Variants in VPS53 observed in about 807,000 individuals in gnomAD.
VPS53 encodes VPS53 subunit of GARP complex, also known as vacuolar protein sorting-associated protein 53 homolog.
In VPS53, 70 loss-of-function variants were observed where a neutral mutation model predicts 107.0. The observed-to-expected ratio is 0.65, with a 90% CI of 0.54 to 0.80. VPS53 has a LOEUF of 0.80. Ranked by LOEUF, VPS53 falls within the 30% of genes least tolerant of loss-of-function variation. VPS53 has a pLI of 0.00. For synonymous variants in VPS53, 409 were observed against 393.3 expected, an observed-to-expected ratio of 1.04 and a Z score of -0.47; for missense variants, 917 against 1,049.4, an observed-to-expected ratio of 0.87 and a Z score of 1.74.
intron 17 of VPS53, chr17:537,458 C>A (rs1443768378): frequency 5.9e-6 from 2 of 336,724 alleles, no homozygotes; most frequent in Non-Finnish European, 1.1e-5. Flanking sequence ...CTCAGCTAAG[C>A]TACCCACTCG....
chr17:714,573 G>A (rs373355950), intron 1 of VPS53, 50 bp downstream of exon 1: 2,172 of 1,540,066 alleles, frequency 1.4e-3, no homozygotes, highest in African/African-American at 3.6e-3. Flanking sequence ...CGGAGCTGCC[G>A]TCTCCCCTCC....
At chr17:623,916 CTTATAT>C in intron 10 of VPS53, among the ~76,000 whole-genome samples, 1 of 151,556 alleles carries the variant, frequency 6.6e-6, no homozygotes, top group Non-Finnish European at 1.5e-5. Flanking sequence ...TATATATATA[CTTATAT>C]TTATTTGTTT....
intron 8 of VPS53, among the ~76,000 whole-genome samples, chr17:630,998 G>A (rs998055067): frequency 6.6e-5 from 10 of 152,150 alleles, no homozygotes; most frequent in Admixed American, 6.6e-5. Context: ...CATGAGAAGT[G>A]CAACCAACAG....
At chr17:686,405 T>C (rs1023997893) in intron 4 of VPS53, among the ~76,000 whole-genome samples, 2 of 152,158 alleles carry the variant, frequency 1.3e-5, no homozygotes, top group African/African-American at 4.8e-5. Flanking sequence ...TCAAAAACAA[T>C]ACAAATAATA....
intron 11 of VPS53, among the ~76,000 whole-genome samples, chr17:608,877 C>T (rs1248180897): frequency 2.6e-5 from 4 of 151,754 alleles, no homozygotes; most frequent in African/African-American, 7.3e-5. Flanking sequence ...CCTCCCAAAG[C>T]GCTGGGATTT....
At chr17:537,419 C>T (rs138533131) in intron 17 of VPS53, 12 of 439,960 alleles carry the variant, frequency 2.7e-5, no homozygotes, top group African/African-American at 8.0e-5. Context: ...CCTGCCTTGT[C>T]CCCGACCTGC....
chr17:633,220 C>T (rs1359868913), intron 7 of VPS53, among the ~76,000 whole-genome samples: 1 of 152,200 alleles, frequency 6.6e-6, no homozygotes. Context: ...CAATCGATCA[C>T]GCCCCACAAT....
intron 7 of VPS53, among the ~76,000 whole-genome samples, chr17:644,016 G>A (rs771281891): frequency 1.3e-5 from 2 of 152,210 alleles, no homozygotes; most frequent in Non-Finnish European, 2.9e-5. Context: ...TTTCGTTCAA[G>A]AGTTTCATGG....
rs1597319662 is a variant in VPS53 at position 571,488 on chromosome 17, T to C, written c.1314-8743A>G. On this transcript the variant is annotated intron_variant, in intron 13 of 21. Coordinates refer to ENST00000437048, the MANE Select transcript of VPS53 (RefSeq NM_001128159.3). ...AATGGGCTCTCCCTCTCCCTCTCCT[T>C]CTCCCTCTCCCTCTCCCTACAGTCT... 4.6e-5 allele frequency among the ~76,000 whole-genome samples: 4 copies of C among 86,042 alleles called. No homozygotes were observed. The Admixed American group carries it at 5.1e-4, about 11-fold the overall frequency. 56.4% of individuals were successfully genotyped at this position (86,042 alleles called of 152,430 possible).
At chr17:590,691 C>A (rs1967598421) in intron 12 of VPS53, among the ~76,000 whole-genome samples, 2 of 150,084 alleles carry the variant, frequency 1.3e-5, no homozygotes, top group South Asian at 4.3e-4. Context: ...TATTGATTTG[C>A]GTATATTGAA....
intron 13 of VPS53, among the ~76,000 whole-genome samples, chr17:572,240 G>A (rs1250720895): frequency 2.7e-5 from 4 of 147,686 alleles, no homozygotes; most frequent in Non-Finnish European, 6.0e-5. Flanking sequence ...CCGCGACCCC[G>A]TCTGGGAGGT....
intron 13 of VPS53, among the ~76,000 whole-genome samples, chr17:570,988 C>T (rs1465162350): frequency 6.6e-6 from 1 of 151,970 alleles, no homozygotes; most frequent in Non-Finnish European, 1.5e-5. Flanking sequence ...GGAGTAGTGG[C>T]GAATCTTGTC....
intron 5 of VPS53, among the ~76,000 whole-genome samples, chr17:660,708 CTGCTGGGTGT>C (rs1207284636): frequency 9.5e-6 from 1 of 104,980 alleles, no homozygotes; most frequent in Non-Finnish European, 1.8e-5. Context: ...CCCCTGGGTG[CTGCTGGGTGT>C]GGTGCACCCT....
chr17:647,041 G>T (rs985460764), intron 7 of VPS53, among the ~76,000 whole-genome samples: 3 of 152,124 alleles, frequency 2.0e-5, no homozygotes, highest in African/African-American at 7.2e-5. Flanking sequence ...AAATTATTTA[G>T]CAAGGCATAT....
intron 11 of VPS53, among the ~76,000 whole-genome samples, chr17:609,299 G>C (rs990176757): frequency 6.6e-6 from 1 of 152,158 alleles, no homozygotes; most frequent in Non-Finnish European, 1.5e-5. Context: ...GTGTGTCCAA[G>C]GTTCACCCAG....
chr17:631,751 A>G lies in VPS53; in HGVS notation c.609-123T>C, dbSNP rs2143164239. The G allele has an allele frequency of 1.2e-5, 9 of 769,776 alleles. No individual in the cohort carries two copies. In the East Asian group the frequency reaches 1.7e-4, roughly 14 times the overall value. The allele number at this position is 769,776 out of a possible 1,614,324, so 47.7% of individuals were successfully genotyped here. A position where few individuals can be genotyped will look rare whatever the true frequency, so the allele number is the denominator to read the frequency against. ...GGCCAGGAAGGGTACAGAGACGTCCATGAGGTGAGAGGTCACATACTAGTT... is the reference window on the plus strand; with the variant it reads ...GGCCAGGAAGGGTACAGAGACGTCCGTGAGGTGAGAGGTCACATACTAGTT... On this transcript the variant is annotated intron_variant, in intron 7 of 21. Coordinates refer to ENST00000437048, the MANE Select transcript of VPS53 (RefSeq NM_001128159.3).
At chr17:578,000 G>A (rs1317390763) in intron 13 of VPS53, among the ~76,000 whole-genome samples, 1 of 150,832 alleles carries the variant, frequency 6.6e-6, no homozygotes, top group Non-Finnish European at 1.5e-5. Context: ...AATTCCCTCA[G>A]AACATAATGC....
rs1908513345 is a variant in VPS53, at chr17:518,985, A to C, written c.*143T>G. The C allele has an allele frequency of 1.1e-6, 1 of 908,860 alleles. No homozygotes were observed. Among genetic ancestry groups the C allele is most frequent in the Non-Finnish European group, 1.6e-6 (1 of 626,186 alleles). The allele number at this position is 908,860 out of a possible 1,614,324, so 56.3% of individuals were successfully genotyped here. A position where few individuals can be genotyped will look rare whatever the true frequency, so the allele number is the denominator to read the frequency against. ...GGCAGGAAGTAAGACAGGGCATGGG[A>C]GAGACTCAGTAACAACCCACATGTC... is the stretch of plus-strand genomic sequence containing the variant. On this transcript the variant is annotated 3_prime_UTR_variant, in exon 22 of 22. Coordinates refer to ENST00000437048, the MANE Select transcript of VPS53 (RefSeq NM_001128159.3).
rs148596006 is a variant in VPS53 at position 683,074 on chromosome 17, G to A, written c.285+14344C>T. 4.9e-3 allele frequency among the ~76,000 whole-genome samples: 744 copies of A among 152,182 alleles called. 7 individuals are homozygous for A. The highest frequency in any genetic ancestry group is 0.017 in the African/African-American group (711 of 41,524). On this transcript the variant is annotated intron_variant, in intron 4 of 21. Coordinates refer to ENST00000437048, the MANE Select transcript of VPS53 (RefSeq NM_001128159.3). The stretch of plus-strand genomic sequence containing the variant: ...TCGACACAGCAAAAAAAGGATTGGT[G>A]AACTTTAAGGTGGGTCAATAGAAAG...
Sources: gnomAD v4.1 joint callset for allele counts (sites outside exome capture counted in the v4.1 genomes callset) on GRCh38, gnomAD v4.1.1 for gene constraint, MANE v1.5 for transcripts, NCBI Gene and HGNC (gene_info 2026-07-23, HGNC 2026-07-21) for gene names.